The following NDUFA5 variants were observed in gnomAD, a reference collection of about 807,000 sequenced individuals.
NDUFA5 encodes NADH dehydrogenase [ubiquinone] 1 alpha subcomplex subunit 5.
Under a neutral mutation model 19.8 loss-of-function variants are expected in NDUFA5, and 11 were observed. That is an observed-to-expected ratio of 0.56 (90% confidence interval 0.35 to 0.92). The LOEUF (loss-of-function observed/expected upper bound fraction) is 0.92. NDUFA5 is among the 40% of genes least tolerant of loss of function. The pLI, the probability that NDUFA5 is intolerant of heterozygous loss-of-function variation, is 0.01. For missense variants in NDUFA5, 109 were observed against 134.2 expected, an observed-to-expected ratio of 0.81 and a Z score of 0.93; for synonymous variants, 47 against 46.8, an observed-to-expected ratio of 1.00 and a Z score of -0.01.
upstream of NDUFA5, among the ~76,000 whole-genome samples, chr7:123,558,587 G>A (rs191099853): frequency 4.2e-3 from 639 of 152,304 alleles, 3 homozygotes; most frequent in Non-Finnish European, 6.8e-3. Flanking sequence ...ACTAAAAAGC[G>A]TGGGTGACTT....
chr7:123,567,527 C>T, the NDUFA5 span, among the ~76,000 whole-genome samples: 1 of 152,160 alleles, frequency 6.6e-6, no homozygotes, highest in Admixed American at 6.5e-5. Flanking sequence ...CTCAGTGATG[C>T]AAGCTCTTTT....
the NDUFA5 span, among the ~76,000 whole-genome samples, chr7:123,581,368 G>T: frequency 0.015 from 2,184 of 149,334 alleles, 49 homozygotes; most frequent in African/African-American, 0.05. Context: ...TGGGCATTGT[G>T]AGAGTGTGGG....
the NDUFA5 span, among the ~76,000 whole-genome samples, chr7:123,578,243 G>GT: frequency 6.7e-6 from 1 of 149,222 alleles, no homozygotes; most frequent in Non-Finnish European, 1.5e-5. Context: ...CTGATATTTT[G>GT]TATCAGTTGG....
the NDUFA5 span, among the ~76,000 whole-genome samples, chr7:123,564,175 G>C: frequency 6.6e-6 from 1 of 152,082 alleles, no homozygotes; most frequent in Non-Finnish European, 1.5e-5. Flanking sequence ...CCCAAAACAG[G>C]TCTCCCTACT....
At chr7:123,551,939 G>A (rs1354185949) in intron 2 of NDUFA5, among the ~76,000 whole-genome samples, 1 of 152,120 alleles carries the variant, frequency 6.6e-6, no homozygotes, top group Non-Finnish European at 1.5e-5. Context: ...AAATACAGAT[G>A]AGAACAGGGG....
At chr7:123,584,762 T>C in the NDUFA5 span, 5 of 151,932 alleles carry the variant, frequency 3.3e-5, no homozygotes, top group African/African-American at 9.7e-5. Flanking sequence ...TCACAAACTA[T>C]TGAAGAATAA....
the NDUFA5 span, among the ~76,000 whole-genome samples, chr7:123,565,396 T>TACACAC: frequency 0.011 from 1,657 of 148,334 alleles, 18 homozygotes; most frequent in Admixed American, 0.03. Flanking sequence ...TAGCTTATAA[T>TACACAC]ACACACACAC....
At chr7:123,574,337 C>G in the NDUFA5 span, among the ~76,000 whole-genome samples, 1 of 151,978 alleles carries the variant, frequency 6.6e-6, no homozygotes, top group Non-Finnish European at 1.5e-5. Flanking sequence ...GACAGTGGCT[C>G]TCAAATTTTA....
upstream of NDUFA5, chr7:123,558,348 T>A (rs1798637138): frequency 1.3e-5 from 2 of 154,380 alleles, no homozygotes; most frequent in African/African-American, 4.8e-5. Flanking sequence ...CTGGCTGAAA[T>A]ACATCATCTT....
Position 123,545,075 on chromosome 7 carries a change from T to C in NDUFA5, c.249+536A>G, listed in dbSNP as rs1427618011. Among the ~76,000 whole-genome samples, 4 of 152,084 alleles carry C rather than the reference T, an allele frequency of 2.6e-5. No individual in the cohort carries two copies. The East Asian group carries it at 7.7e-4, about 29-fold the overall frequency. ...ATGTTAATAATTTTTCTAATCTCAG[T>C]CTCTTCATAATCATGCTTACATTTT... is the stretch of plus-strand genomic sequence containing the variant. On this transcript the variant is annotated intron_variant, in intron 4 of 4. Transcript: ENST00000355749.
chr7:123,544,737 G>A (rs1584688058), intron 4 of NDUFA5, among the ~76,000 whole-genome samples: 1 of 88,868 alleles, frequency 1.1e-5, no homozygotes. Context: ...AACCTTACTA[G>A]CAATTGGAGA....
the NDUFA5 span, among the ~76,000 whole-genome samples, chr7:123,597,079 G>T: frequency 6.6e-6 from 1 of 152,186 alleles, no homozygotes; most frequent in African/African-American, 2.4e-5. Flanking sequence ...GGTTTTGCTT[G>T]TTACCCTAGT....
At chr7:123,552,208 T>C (rs1798368769) in intron 2 of NDUFA5, among the ~76,000 whole-genome samples, 1 of 150,970 alleles carries the variant, frequency 6.6e-6, no homozygotes, top group East Asian at 2.0e-4. Flanking sequence ...CAGTCCTCAC[T>C]ATTCATAATA....
At chr7:123,582,147 C>T in the NDUFA5 span, among the ~76,000 whole-genome samples, 1 of 151,952 alleles carries the variant, frequency 6.6e-6, no homozygotes, top group South Asian at 2.1e-4. Flanking sequence ...ACCTAAAATG[C>T]TCCTGTGGCT....
rs1163922347 is a variant in NDUFA5 at position 123,541,692 on chromosome 7, G to C, written c.*427C>G. 1 of 152,232 alleles carries C rather than the reference G, an allele frequency of 6.6e-6. No individual in the cohort carries two copies. The highest frequency in any genetic ancestry group is 1.5e-5 in the Non-Finnish European group (1 of 68,026). The allele number at this position is 152,232 out of a possible 1,614,324, so 9.4% of individuals were successfully genotyped here. ...TTATCACATTTGAAAATATTCACTCGTATTATTTACTTCAAACAGTAATCT... is the reference window on the plus strand; with the variant it reads ...TTATCACATTTGAAAATATTCACTCCTATTATTTACTTCAAACAGTAATCT... On this transcript the variant is annotated 3_prime_UTR_variant, in exon 5 of 5. Coordinates refer to ENST00000355749, the MANE Select transcript of NDUFA5 (RefSeq NM_005000.5).
the NDUFA5 span, among the ~76,000 whole-genome samples, chr7:123,580,185 C>A: frequency 6.6e-6 from 1 of 151,884 alleles, no homozygotes; most frequent in African/African-American, 2.4e-5. Flanking sequence ...TTTGAAAGGA[C>A]AAGATGAACA....
the NDUFA5 span, among the ~76,000 whole-genome samples, chr7:123,589,417 C>T: frequency 6.6e-6 from 1 of 151,444 alleles, no homozygotes; most frequent in Non-Finnish European, 1.5e-5. Flanking sequence ...GTGTGCTGCA[C>T]CCATCAACTC....
intron 3 of NDUFA5, 87 bp downstream of exon 3, chr7:123,550,378 GAAGAA>G (rs1798287784): frequency 1.3e-6 from 1 of 746,552 alleles, no homozygotes; most frequent in African/African-American, 1.8e-5. Flanking sequence ...AAGGAGAATA[GAAGAA>G]AAGTGTGTCG....
the NDUFA5 span, among the ~76,000 whole-genome samples, chr7:123,563,456 T>C: frequency 6.6e-6 from 1 of 152,210 alleles, no homozygotes; most frequent in African/African-American, 2.4e-5. Flanking sequence ...TTAAGTTTGT[T>C]GTCTTATATG....
Sources: allele counts gnomAD v4.1 joint callset (sites outside exome capture counted in the v4.1 genomes callset), GRCh38; gene constraint gnomAD v4.1.1; transcripts MANE v1.5; gene names NCBI Gene and HGNC (gene_info 2026-07-23, HGNC 2026-07-21).